BRIP1: variants seen among roughly 807,000 people sequenced by gnomAD.
BRIP1 encodes the protein Fanconi anemia group J protein.
A neutral mutation model predicts 119.7 loss-of-function variants in BRIP1; 88 were observed. That is an observed-to-expected ratio of 0.74 (90% CI 0.62 to 0.88). BRIP1 has a LOEUF of 0.88. BRIP1 is among the 40% of genes least tolerant of loss of function. The pLI is 0.00. For synonymous variants in BRIP1, 443 were observed against 496.5 expected (o/e 0.89, Z 1.43); for missense variants, 1,259 against 1,455.4 (o/e 0.87, Z 2.20).
In BRIP1 at chr17:61,780,390, A is replaced by G. The variant is rs878855142; in HGVS notation, c.1806T>C (p.Asp602=). Residue 602 remains aspartate, a synonymous_variant, in exon 13 of 20, where the codon GAT becomes GAC. Coordinates refer to ENST00000259008, the MANE Select transcript of BRIP1 (RefSeq NM_032043.3). The surrounding 1 kb of genome is among the most constrained non-coding windows in gnomAD (Gnocchi z 5.4). ...WCLNPAVAFS[D]INGKVQTIVL... ...CAATGGTCTGAACTTTGCCATTAAT[A>G]TCTGAAAAGGCCTAAAAGAAAACAA... 2 of 1,610,318 alleles carry G rather than the reference A, an allele frequency of 1.2e-6. No individual in the cohort carries two copies. The highest frequency in any genetic ancestry group is 1.7e-5 in the Admixed American group (1 of 60,016).
At chr17:61,837,334 G>T (rs2078589796) in intron 6 of BRIP1, among the ~76,000 whole-genome samples, 1 of 152,072 alleles carries the variant, frequency 6.6e-6, no homozygotes, top group African/African-American at 2.4e-5. Context: ...TAAAAATGGG[G>T]TATGGGAGGA....
rs2061476921 is a variant in BRIP1, at chr17:61,693,439, A to G, written c.2566T>C (p.Tyr856His). ...DDRFRNNPSRYISGLSKWVRQ... is the reference protein window; with the variant it reads ...DDRFRNNPSRHISGLSKWVRQ... The stretch of plus-strand genomic sequence containing the variant: ...CCAGCTGAGATCTTACCAGATATAT[A>G]GCGACTTGGGTTATTCCTAAAGCGA... The change falls in exon 18 of 20, where the codon TAT (tyrosine) becomes CAT (histidine). Residue 856 changes from tyrosine to histidine, a missense_variant. Tyr to His is a moderately conservative substitution (Grantham distance 83, BLOSUM62 2). Coordinates refer to ENST00000259008, the MANE Select transcript of BRIP1 (RefSeq NM_032043.3). This position sits in a 1 kb window ranked among gnomAD's most constrained non-coding sequence, Gnocchi z 4.2. The G allele has an allele frequency of 6.2e-7, 1 of 1,612,972 alleles. No homozygotes were observed. The highest frequency in any genetic ancestry group is 1.1e-5 in the South Asian group (1 of 91,066).
rs1009617074 is a variant in BRIP1 at position 61,751,095 on chromosome 17, C to G, written c.2098-6504G>C. 1.3e-5 allele frequency among the ~76,000 whole-genome samples: 2 copies of G among 152,068 alleles called. No homozygotes were observed. Among genetic ancestry groups the G allele is most frequent in the Admixed American group, 1.3e-4 (2 of 15,268 alleles). On this transcript the variant is annotated intron_variant, in intron 14 of 19. Coordinates refer to ENST00000259008, the MANE Select transcript of BRIP1 (RefSeq NM_032043.3). The surrounding 1 kb of genome is among the most constrained non-coding windows in gnomAD (Gnocchi z 6.7). ...TAGTGGAAACAACTCAAGTGTCAATCAACAGATGAATAAACAAAATGTATG... is the reference window on the plus strand; with the variant it reads ...TAGTGGAAACAACTCAAGTGTCAATGAACAGATGAATAAACAAAATGTATG...
rs544554902 is a variant in BRIP1 at position 61,691,376 on chromosome 17, T to C, written c.2575+2054A>G. Among the ~76,000 whole-genome samples, 2 of 152,220 alleles carry C rather than the reference T, an allele frequency of 1.3e-5. No homozygotes were observed. The highest frequency in any genetic ancestry group is 2.1e-4 in the South Asian group (1 of 4,826). On this transcript the variant is annotated intron_variant, in intron 18 of 19. Coordinates refer to ENST00000259008, the MANE Select transcript of BRIP1 (RefSeq NM_032043.3). This position sits in a 1 kb window ranked among gnomAD's most constrained non-coding sequence, Gnocchi z 5.0. ...ATTATAAAACATTGCTGAAAAACAG[T>C]AAAGATAACACAAATAAATGGAAAG...
intron 7 of BRIP1, 87 bp from the exon 8 acceptor site, chr17:61,801,561 C>G (rs1481170697): frequency 3.2e-6 from 4 of 1,260,528 alleles, no homozygotes; most frequent in Non-Finnish European, 4.6e-6. Context: ...TGAGGAACAT[C>G]ATTAAAGCCA....
rs2078966000 is a variant in BRIP1 at position 61,861,004 on chromosome 17, T to C, written c.93+443A>G. ...GGAAAGGAAAAGAACAAATTCAGGA[T>C]ACTAATAATCTTGTTACCAGTAAAT... On this transcript the variant is annotated intron_variant, in intron 2 of 19. Transcript: ENST00000259008. The surrounding 1 kb of genome is among the most constrained non-coding windows in gnomAD (Gnocchi z 4.5). 6.6e-6 allele frequency among the ~76,000 whole-genome samples: 1 copy of C among 152,122 alleles called. No individual in the cohort carries two copies. Among genetic ancestry groups the C allele is most frequent in the Admixed American group, 6.5e-5 (1 of 15,272 alleles).
chr17:61,811,789 T>A (rs2078166071), intron 6 of BRIP1, among the ~76,000 whole-genome samples: 1 of 151,208 alleles, frequency 6.6e-6, no homozygotes, highest in South Asian at 2.1e-4. Context: ...CTGTCTCTAC[T>A]GAAAAAACAA....
Position 61,693,248 on chromosome 17 carries a change from TAA to T in BRIP1, c.2575+180_2575+181del, listed in dbSNP as rs1481536868. ...TGGGGCATTGCTGTTCAGTTGGTGT[TAA>T]GTTTCAGTTATGTAAGATTTAAAAG... On this transcript the variant is annotated intron_variant, in intron 18 of 19. Transcript: ENST00000259008. This position sits in a 1 kb window ranked among gnomAD's most constrained non-coding sequence, Gnocchi z 4.2. Among the ~76,000 whole-genome samples, 1 of 152,202 alleles carries T rather than the reference TAA, an allele frequency of 6.6e-6. No homozygotes were observed. Among genetic ancestry groups the T allele is most frequent in the Non-Finnish European group, 1.5e-5 (1 of 68,012 alleles).
chr17:61,817,355 T>C (rs1332192069), intron 6 of BRIP1, among the ~76,000 whole-genome samples: 2 of 152,198 alleles, frequency 1.3e-5, no homozygotes, highest in Non-Finnish European at 2.9e-5. Context: ...TCTCTTGAGA[T>C]TGCAGGTAAT....
chr17:61,778,589 T>C lies in BRIP1; in HGVS notation c.1935+1672A>G, dbSNP rs1185270535. Among the ~76,000 whole-genome samples the C allele has an allele frequency of 6.6e-6, 1 of 152,182 alleles. No homozygotes were observed. On this transcript the variant is annotated intron_variant, in intron 13 of 19. Transcript: ENST00000259008. This position sits in a 1 kb window ranked among gnomAD's most constrained non-coding sequence, Gnocchi z 4.4. ...ACATTATTATAATTCAGCGACATTA[T>C]AGGTTAAATGGACTTTTGTGCAGTA...
rs942900243 is a variant in BRIP1, at chr17:61,761,155, T to C, written c.2097+15246A>G. On this transcript the variant is annotated intron_variant, in intron 14 of 19. Coordinates refer to ENST00000259008, the MANE Select transcript of BRIP1 (RefSeq NM_032043.3). This position sits in a 1 kb window ranked among gnomAD's most constrained non-coding sequence, Gnocchi z 6.4. ...TTAATAGAATGAAGGACAAAAACCA[T>C]ATGATCATCTCATTAGATGTAGAAA... 6.6e-6 allele frequency among the ~76,000 whole-genome samples: 1 copy of C among 152,002 alleles called. No homozygotes were observed. The highest frequency in any genetic ancestry group is 6.6e-5 in the Admixed American group (1 of 15,238).
intron 6 of BRIP1, among the ~76,000 whole-genome samples, chr17:61,819,547 T>C (rs2078290026): frequency 6.6e-6 from 1 of 152,186 alleles, no homozygotes; most frequent in African/African-American, 2.4e-5. Flanking sequence ...TATTTAGTCA[T>C]AAAAAGAATG....
rs549646718 is a variant in BRIP1 at position 61,828,175 on chromosome 17, C to T, written c.627+18926G>A. Among the ~76,000 whole-genome samples the T allele has an allele frequency of 3.0e-4, 45 of 152,192 alleles. No individual in the cohort carries two copies. The highest frequency in any genetic ancestry group is 4.3e-4 in the Non-Finnish European group (29 of 68,002). ...ACCCAGATGTCCACTGGCAGATGAA[C>T]GGACAAACAAAATGTGGTATATCCA... is the stretch of plus-strand genomic sequence containing the variant. On this transcript the variant is annotated intron_variant, in intron 6 of 19. Transcript: ENST00000259008. This position sits in a 1 kb window ranked among gnomAD's most constrained non-coding sequence, Gnocchi z 4.1.
chr17:61,762,650 T>C lies in BRIP1; in HGVS notation c.2097+13751A>G, dbSNP rs889391012. Among the ~76,000 whole-genome samples, 1 of 151,988 alleles carries C rather than the reference T, an allele frequency of 6.6e-6. No homozygotes were observed. The highest frequency in any genetic ancestry group is 2.4e-5 in the African/African-American group (1 of 41,404). ...TCAAAATCACTAATCATTAGGGAAA[T>C]ACAAATTAAAACCATGATGAAACAT... On this transcript the variant is annotated intron_variant, in intron 14 of 19. Coordinates refer to ENST00000259008, the MANE Select transcript of BRIP1 (RefSeq NM_032043.3). The surrounding 1 kb of genome is among the most constrained non-coding windows in gnomAD (Gnocchi z 4.3).
Position 61,687,770 on chromosome 17 carries a change from A to C in BRIP1, c.2576-1605T>G, listed in dbSNP as rs2061382874. Among the ~76,000 whole-genome samples, 1 of 152,228 alleles carries C rather than the reference A, an allele frequency of 6.6e-6. No individual in the cohort carries two copies. The highest frequency in any genetic ancestry group is 1.5e-5 in the Non-Finnish European group (1 of 68,034). ...ATACTACTGCCTGCATCAAAGCGGT[A>C]GGAAAATTTGTGGCACCCTCTTGTC... On this transcript the variant is annotated intron_variant, in intron 18 of 19. Transcript: ENST00000259008. The surrounding 1 kb of genome is among the most constrained non-coding windows in gnomAD (Gnocchi z 5.1).
chr17:61,785,876 G>C (rs944589470), intron 10 of BRIP1, among the ~76,000 whole-genome samples: 2 of 152,002 alleles, frequency 1.3e-5, no homozygotes, highest in Non-Finnish European at 2.9e-5. Flanking sequence ...TCAATTATTA[G>C]AGTACTCCGA....
In BRIP1 at chr17:61,843,045, CCTG is replaced by C. The variant is rs1331722950; in HGVS notation, c.627+4053_627+4055del. On this transcript the variant is annotated intron_variant, in intron 6 of 19. Transcript: ENST00000259008. The surrounding 1 kb of genome is among the most constrained non-coding windows in gnomAD (Gnocchi z 5.7). ...ATGGAATATTAGCCCTAAAAAAGATCCTGCTATTTGTGACAACATGGATGAACC... is the reference window on the plus strand; with the variant it reads ...ATGGAATATTAGCCCTAAAAAAGATCCTATTTGTGACAACATGGATGAACC... Among the ~76,000 whole-genome samples the C allele has an allele frequency of 1.3e-5, 2 of 152,086 alleles. No homozygotes were observed. The highest frequency in any genetic ancestry group is 2.9e-5 in the Non-Finnish European group (2 of 68,014).
In BRIP1 at chr17:61,745,021, A is replaced by T. The variant is rs896981543; in HGVS notation, c.2098-430T>A. ...AACAAACTTTAAGTTCTCTCTTTAA[A>T]CCTAAGGTGAAGTTTCTTAATATTC... On this transcript the variant is annotated intron_variant, in intron 14 of 19. Coordinates refer to ENST00000259008, the MANE Select transcript of BRIP1 (RefSeq NM_032043.3). The surrounding 1 kb of genome is among the most constrained non-coding windows in gnomAD (Gnocchi z 4.4). Among the ~76,000 whole-genome samples, 1 of 152,156 alleles carries T rather than the reference A, an allele frequency of 6.6e-6. No homozygotes were observed. Among genetic ancestry groups the T allele is most frequent in the Non-Finnish European group, 1.5e-5 (1 of 68,024 alleles).
Position 61,843,388 on chromosome 17 carries a change from A to G in BRIP1, c.627+3713T>C, listed in dbSNP as rs957838500. On this transcript the variant is annotated intron_variant, in intron 6 of 19. Transcript: ENST00000259008. This position sits in a 1 kb window ranked among gnomAD's most constrained non-coding sequence, Gnocchi z 5.7. ...AGGTGTTCTCAACACACACACACAC[A>G]CAAAAGGTAACTATGTAAGGAGATG... Among the ~76,000 whole-genome samples the G allele has an allele frequency of 3.3e-5, 5 of 152,132 alleles. No homozygotes were observed. The highest frequency in any genetic ancestry group is 1.2e-4 in the African/African-American group (5 of 41,422).
Sources: gnomAD v4.1 joint callset for allele counts (sites outside exome capture counted in the v4.1 genomes callset) on GRCh38, gnomAD v4.1.1 for gene constraint, Gnocchi (gnomAD v3.1) non-coding constraint, MANE v1.5 for transcripts, NCBI Gene and HGNC (gene_info 2026-07-23, HGNC 2026-07-21) for gene names.